GPHN: variants seen among roughly 807,000 people sequenced by gnomAD.
GPHN encodes the protein gephyrin.
Under a neutral mutation model 95.5 loss-of-function variants are expected in GPHN, and 17 were observed. The ratio of observed to expected loss-of-function variants is 0.18; its 90% confidence interval spans 0.12 to 0.27. The LOEUF (loss-of-function observed/expected upper bound fraction) is 0.27, where lower values mean the gene tolerates loss of function less well. Among genes scored for constraint, GPHN ranks in the 10% least tolerant of loss-of-function variants. The pLI is 1.00. For synonymous variants in GPHN, 320 were observed against 322.5 expected, an observed-to-expected ratio of 0.99 and a Z score of 0.08; for missense variants, 660 against 978.1, an observed-to-expected ratio of 0.67 and a Z score of 4.34.
chr14:67,491,541 A>G, the GPHN span, among the ~76,000 whole-genome samples: 359 of 152,290 alleles, frequency 2.4e-3, 2 homozygotes, highest in African/African-American at 8.1e-3. Context: ...CCTTTCACTC[A>G]GGAAATTTCA....
intron 2 of GPHN, among the ~76,000 whole-genome samples, chr14:66,759,999 C>T (rs2058701415): frequency 6.6e-6 from 1 of 152,104 alleles, no homozygotes; most frequent in African/African-American, 2.4e-5. Flanking sequence ...ATTGCTTTCT[C>T]AGAGGTTAAA....
At chr14:67,688,688 G>A in the GPHN span, among the ~76,000 whole-genome samples, 3 of 151,420 alleles carry the variant, frequency 2.0e-5, no homozygotes, top group Non-Finnish European at 4.4e-5. Context: ...TCCGGTTTTG[G>A]CCTCCTAAAG....
chr14:67,324,881 G>A, the GPHN span, among the ~76,000 whole-genome samples: 7 of 145,738 alleles, frequency 4.8e-5, no homozygotes, highest in East Asian at 2.1e-4. Context: ...AAGCTACCAC[G>A]CCCAGCCTTC....
At chr14:67,208,225 G>C in the GPHN span, 9 of 1,613,658 alleles carry the variant, frequency 5.6e-6, no homozygotes, top group Non-Finnish European at 6.8e-6. Flanking sequence ...ACATTCTGAA[G>C]CCTGGGTGTT....
chr14:67,462,513 T>C, the GPHN span, among the ~76,000 whole-genome samples: 1 of 152,222 alleles, frequency 6.6e-6, no homozygotes, highest in African/African-American at 2.4e-5. Flanking sequence ...ACCTGGCTAA[T>C]TTCTTTAAAA....
chr14:66,846,482 T>G (rs1567013781), intron 4 of GPHN, among the ~76,000 whole-genome samples: 1 of 152,178 alleles, frequency 6.6e-6, no homozygotes, highest in East Asian at 1.9e-4. Flanking sequence ...AACCACACAA[T>G]TTTGTTCTTT....
chr14:66,513,568 A>G (rs1458739680), intron 1 of GPHN, among the ~76,000 whole-genome samples: 1 of 151,798 alleles, frequency 6.6e-6, no homozygotes, highest in Non-Finnish European at 1.5e-5. Context: ...GAAAGGTATT[A>G]AAAAAAGATC....
Position 67,169,138 on chromosome 14 carries a change from T to A in GPHN, c.2079+102T>A, listed in dbSNP as rs2082446911. ...ATAAACATCTAGAGTTTTCTATTAG[T>A]TTTGATGGAAAATGTGATTATATTC... On this transcript the variant is annotated intron_variant, in intron 21 of 22. Transcript: ENST00000478722. 3 of 782,832 alleles carry A rather than the reference T, an allele frequency of 3.8e-6. No homozygotes were observed. In the South Asian group the frequency reaches 4.2e-5, roughly 11 times the overall value. The allele number at this position is 782,832 out of a possible 1,614,324, so 48.5% of individuals were successfully genotyped here.
chr14:67,014,051 A>G (rs2153619136), intron 9 of GPHN, among the ~76,000 whole-genome samples: 1 of 152,092 alleles, frequency 6.6e-6, no homozygotes, highest in South Asian at 2.1e-4. Flanking sequence ...ACCTAAATTA[A>G]TCTTACTTGA....
At chr14:67,406,471 C>A in the GPHN span, among the ~76,000 whole-genome samples, 1 of 151,996 alleles carries the variant, frequency 6.6e-6, no homozygotes, top group Non-Finnish European at 1.5e-5. Flanking sequence ...AGGACCCCTG[C>A]CACTTTGGGG....
chr14:66,920,256 G>A (rs540429931), intron 6 of GPHN, among the ~76,000 whole-genome samples: 10 of 152,268 alleles, frequency 6.6e-5, no homozygotes, highest in Admixed American at 1.3e-4. Flanking sequence ...AATAACGCAA[G>A]AATTAAATGT....
chr14:67,391,264 A>C, the GPHN span, among the ~76,000 whole-genome samples: 1 of 135,128 alleles, frequency 7.4e-6, no homozygotes, highest in East Asian at 2.2e-4. Context: ...ATGTGTAAGC[A>C]GCTGATATGT....
intron 3 of GPHN, among the ~76,000 whole-genome samples, chr14:66,802,983 C>G (rs557106662): frequency 4.9e-4 from 74 of 152,242 alleles, no homozygotes; most frequent in African/African-American, 1.4e-3. Context: ...TCTCCACCCC[C>G]AGTCCACTGT....
the GPHN span, among the ~76,000 whole-genome samples, chr14:67,393,746 G>T: frequency 6.6e-6 from 1 of 152,120 alleles, no homozygotes. Context: ...GAGCCACCGT[G>T]CCTGGCCTGA....
chr14:67,430,886 A>G, the GPHN span, among the ~76,000 whole-genome samples: 1 of 152,172 alleles, frequency 6.6e-6, no homozygotes, highest in Non-Finnish European at 1.5e-5. Flanking sequence ...ATGAGCATAA[A>G]GCCTCAAAGT....
At chr14:66,973,292 C>T (rs2153593270) in intron 9 of GPHN, among the ~76,000 whole-genome samples, 1 of 152,328 alleles carries the variant, frequency 6.6e-6, no homozygotes, top group South Asian at 2.1e-4. Flanking sequence ...GGAACACCTA[C>T]ACCTCTCTGA....
chr14:67,255,768 C>T, the GPHN span, among the ~76,000 whole-genome samples: 2 of 152,218 alleles, frequency 1.3e-5, no homozygotes, highest in Non-Finnish European at 2.9e-5. Context: ...GCAACCTCTG[C>T]CCCTACCCAC....
intron 4 of GPHN, 112 bp downstream of exon 4, chr14:66,824,678 C>T (rs980925642): frequency 8.1e-6 from 5 of 615,466 alleles, no homozygotes; most frequent in South Asian, 5.9e-5. Flanking sequence ...TAACAAATGA[C>T]TTGTAGTTCT....
chr14:67,712,493 CAAAA>C, the GPHN span, among the ~76,000 whole-genome samples: 6 of 38,948 alleles, frequency 1.5e-4, no homozygotes, highest in African/African-American at 2.1e-4. Context: ...AAAAAACTTG[CAAAA>C]AAAAAAAAAA....
Sources: allele counts gnomAD v4.1 joint callset (sites outside exome capture counted in the v4.1 genomes callset), GRCh38; gene constraint gnomAD v4.1.1; transcripts MANE v1.5; gene names NCBI Gene and HGNC (gene_info 2026-07-23, HGNC 2026-07-21).